Variants in NMNAT2 observed in about 807,000 individuals in gnomAD.
NMNAT2 encodes nicotinamide nucleotide adenylyltransferase 2.
NMNAT2 carries 11 observed loss-of-function variants against 41.6 expected under a neutral mutation model. The ratio of observed to expected loss-of-function variants is 0.26; its 90% CI spans 0.17 to 0.44. NMNAT2 has a LOEUF of 0.44. Ranked by LOEUF, NMNAT2 falls within the 20% of genes least tolerant of loss-of-function variation. The pLI, the probability that NMNAT2 is intolerant of heterozygous loss-of-function variation, is 1.00. For missense variants in NMNAT2, 288 were observed against 407.7 expected, an observed-to-expected ratio of 0.71 and a Z score of 2.53; for synonymous variants, 148 against 151.2, an observed-to-expected ratio of 0.98 and a Z score of 0.16.
At chr1:183,269,450 C>T (rs911288759) in intron 8 of NMNAT2, among the ~76,000 whole-genome samples, 8 of 152,272 alleles carry the variant, frequency 5.3e-5, no homozygotes, top group Admixed American at 5.2e-4. Flanking sequence ...GCAAGATCCT[C>T]TGCAGGGCCA....
At chr1:183,318,441 T>C (rs1332969015) in intron 1 of NMNAT2, among the ~76,000 whole-genome samples, 1 of 152,130 alleles carries the variant, frequency 6.6e-6, no homozygotes, top group East Asian at 1.9e-4. Flanking sequence ...TGCTCGGAAG[T>C]CAGGGCAGCT....
chr1:183,297,840 A>G (rs1252485088), intron 1 of NMNAT2, among the ~76,000 whole-genome samples: 1 of 152,232 alleles, frequency 6.6e-6, no homozygotes, highest in Non-Finnish European at 1.5e-5. Flanking sequence ...CCAGCTATAT[A>G]TAGAAAGAAT....
intron 1 of NMNAT2, among the ~76,000 whole-genome samples, chr1:183,394,768 C>T (rs1243195636): frequency 6.6e-6 from 1 of 152,204 alleles, no homozygotes; most frequent in Non-Finnish European, 1.5e-5. Context: ...TCAATGAGGT[C>T]CTCTGCCCAG....
At chr1:183,293,582 G>A (rs1661601996) in intron 2 of NMNAT2, 123 bp downstream of exon 2, 3 of 746,776 alleles carry the variant, frequency 4.0e-6, no homozygotes, top group Non-Finnish European at 7.2e-6. Flanking sequence ...ATGGACCTGG[G>A]CATTTTGTGT....
intron 1 of NMNAT2, among the ~76,000 whole-genome samples, chr1:183,308,750 G>A (rs1662048829): frequency 6.6e-6 from 1 of 152,208 alleles, no homozygotes; most frequent in Non-Finnish European, 1.5e-5. Flanking sequence ...GATAATAAGA[G>A]TGGTGAAGAA....
At chr1:183,294,435 C>A (rs1661626001) in intron 1 of NMNAT2, among the ~76,000 whole-genome samples, 1 of 152,140 alleles carries the variant, frequency 6.6e-6, no homozygotes, top group Non-Finnish European at 1.5e-5. Flanking sequence ...CAATAAATTT[C>A]GGCAAACAAG....
intron 1 of NMNAT2, among the ~76,000 whole-genome samples, chr1:183,384,650 G>T (rs1056741942): frequency 6.6e-6 from 1 of 152,106 alleles, no homozygotes; most frequent in Non-Finnish European, 1.5e-5. Context: ...ATTTGGGTGG[G>T]GACACAGATC....
intron 1 of NMNAT2, among the ~76,000 whole-genome samples, chr1:183,348,570 C>A (rs758448620): frequency 2.0e-5 from 3 of 152,158 alleles, no homozygotes; most frequent in Non-Finnish European, 4.4e-5. Flanking sequence ...AAAATGTAAA[C>A]ATTTTTGCAT....
chr1:183,284,586 C>T (rs1476225067), intron 6 of NMNAT2, 124 bp downstream of exon 6: 2 of 811,746 alleles, frequency 2.5e-6, no homozygotes, highest in African/African-American at 3.3e-5. Flanking sequence ...CACAAGTACG[C>T]ACACACACAC....
At chr1:183,305,321 A>T (rs1233909965) in intron 1 of NMNAT2, among the ~76,000 whole-genome samples, 1 of 151,888 alleles carries the variant, frequency 6.6e-6, no homozygotes, top group Non-Finnish European at 1.5e-5. Context: ...CAGGGGATAG[A>T]GTGGAAGGTG....
chr1:183,350,810 C>T (rs1383795197), intron 1 of NMNAT2, among the ~76,000 whole-genome samples: 1 of 152,172 alleles, frequency 6.6e-6, no homozygotes, highest in African/African-American at 2.4e-5. Flanking sequence ...TGTTTTCTCT[C>T]TTTTATAGTT....
At chr1:183,267,310 AT>A (rs1299587659) in intron 8 of NMNAT2, 2 of 152,224 alleles carry the variant, frequency 1.3e-5, no homozygotes, top group Non-Finnish European at 2.9e-5. Flanking sequence ...AAAAAGTATT[AT>A]TTGTGAAAAA....
intron 1 of NMNAT2, among the ~76,000 whole-genome samples, chr1:183,416,325 GC>G (rs1400926849): frequency 6.6e-5 from 10 of 152,326 alleles, no homozygotes; most frequent in Non-Finnish European, 1.5e-5. Flanking sequence ...TTCATCCCCA[GC>G]CCAATGGCTC....
intron 1 of NMNAT2, among the ~76,000 whole-genome samples, chr1:183,369,471 G>T (rs1663485859): frequency 6.6e-6 from 1 of 151,692 alleles, no homozygotes; most frequent in South Asian, 2.1e-4. Flanking sequence ...TAGAGACAGG[G>T]TTTCACCATG....
chr1:183,364,846 C>G (rs896094910), intron 1 of NMNAT2, among the ~76,000 whole-genome samples: 1 of 152,088 alleles, frequency 6.6e-6, no homozygotes, highest in South Asian at 2.1e-4. Flanking sequence ...TGCCCACCAC[C>G]ACATCCGGCT....
At chr1:183,276,725 A>G (rs1366877146) in intron 8 of NMNAT2, among the ~76,000 whole-genome samples, 2 of 152,196 alleles carry the variant, frequency 1.3e-5, no homozygotes, top group Admixed American at 6.5e-5. Context: ...AATTGCCCAG[A>G]TTTGCCTGGA....
At chr1:183,337,808 T>C (rs1662708039) in intron 1 of NMNAT2, among the ~76,000 whole-genome samples, 1 of 152,112 alleles carries the variant, frequency 6.6e-6, no homozygotes, top group South Asian at 2.1e-4. Context: ...TTTCCAAGGG[T>C]CTAAATGCCT....
At chr1:183,405,385 T>C (rs758837578) in intron 1 of NMNAT2, among the ~76,000 whole-genome samples, 3 of 152,186 alleles carry the variant, frequency 2.0e-5, no homozygotes, top group Non-Finnish European at 4.4e-5. Context: ...ATCAAGTTCA[T>C]TGTTGTATTG....
Position 183,252,733 on chromosome 1 carries a change from G to T in NMNAT2, c.832C>A (p.Gln278Lys), listed in dbSNP as rs1411722002. Residue 278 changes from glutamine to lysine, a missense_variant, in exon 11 of 11, where the codon CAG becomes AAG. Coordinates refer to ENST00000287713, the MANE Select transcript of NMNAT2 (RefSeq NM_015039.4). ...TCCACAACATGGCCGTCCCCATGCT[G>T]CAGGGCCAGCCTGCACAAGAAGAGA... ...VSSTKSRLAL[Q>K]HGDGHVVDYL... 6.2e-7 allele frequency: 1 copy of T among 1,613,598 alleles called. No homozygotes were observed. The highest frequency in any genetic ancestry group is 8.5e-7 in the Non-Finnish European group (1 of 1,179,648).
Sources: gnomAD v4.1 joint callset for allele counts (sites outside exome capture counted in the v4.1 genomes callset) on GRCh38, gnomAD v4.1.1 for gene constraint, MANE v1.5 for transcripts, NCBI Gene and HGNC (gene_info 2026-07-23, HGNC 2026-07-21) for gene names.